The following TMEFF1 variants were observed in gnomAD, a reference collection of about 807,000 sequenced individuals.
TMEFF1 encodes the protein tomoregulin-1.
A neutral mutation model predicts 47.5 loss-of-function variants in TMEFF1; 20 were observed. The ratio of observed to expected loss-of-function variants is 0.42; its 90% CI spans 0.30 to 0.61. The LOEUF is 0.61. TMEFF1 is among the 20% of genes least tolerant of loss of function. TMEFF1 has a pLI of 0.19. For missense variants in TMEFF1, 411 were observed against 471.1 expected (o/e 0.87, Z 1.18); for synonymous variants, 162 against 166.3 (o/e 0.97, Z 0.20).
At chr9:100,529,234 CAT>C (rs1212263344) in intron 5 of TMEFF1, among the ~76,000 whole-genome samples, 1 of 144,228 alleles carries the variant, frequency 6.9e-6, no homozygotes, top group Non-Finnish European at 1.5e-5. Flanking sequence ...CAAATTCACA[CAT>C]AACAATATTA....
intron 7 of TMEFF1, among the ~76,000 whole-genome samples, chr9:100,554,393 G>T (rs1278112741): frequency 6.6e-6 from 1 of 152,122 alleles, no homozygotes; most frequent in East Asian, 1.9e-4. Flanking sequence ...GAAGGTGCTG[G>T]GGAGCTGAGA....
intron 1 of TMEFF1, among the ~76,000 whole-genome samples, chr9:100,479,305 A>G (rs1304767938): frequency 6.6e-6 from 1 of 152,202 alleles, no homozygotes; most frequent in African/African-American, 2.4e-5. Flanking sequence ...TCTTACAGAT[A>G]TATATAGTGG....
chr9:100,493,080 C>G (rs552342363), intron 1 of TMEFF1, among the ~76,000 whole-genome samples: 13 of 151,968 alleles, frequency 8.6e-5, no homozygotes, highest in African/African-American at 3.1e-4. Flanking sequence ...CCCTTCCCCC[C>G]TCTCCCCCCC....
At chr9:100,513,393 C>CTT in intron 4 of TMEFF1, 60 bp downstream of exon 4, 85 of 1,233,686 alleles carry the variant, frequency 6.9e-5, no homozygotes, top group Non-Finnish European at 7.7e-5. Flanking sequence ...CTTTCTTTTT[C>CTT]TTTTTTTTTT....
chr9:100,565,169 T>C (rs1287500012), intron 8 of TMEFF1, among the ~76,000 whole-genome samples: 1 of 152,082 alleles, frequency 6.6e-6, no homozygotes, highest in South Asian at 2.1e-4. Context: ...ATTGAAGACA[T>C]ACATTTGAGA....
chr9:100,510,345 A>G (rs1290867189), intron 3 of TMEFF1, among the ~76,000 whole-genome samples: 1 of 152,206 alleles, frequency 6.6e-6, no homozygotes, highest in African/African-American at 2.4e-5. Context: ...GAAGGTTCCA[A>G]ACATGGAGTT....
In TMEFF1 at chr9:100,508,664, A is replaced by G. The variant is rs563357145; in HGVS notation, c.307-341A>G. Among the ~76,000 whole-genome samples the G allele has an allele frequency of 2.6e-5, 4 of 152,064 alleles. No homozygotes were observed. The South Asian group carries it at 6.2e-4, about 24-fold the overall frequency. On this transcript the variant is annotated intron_variant, in intron 2 of 9. Coordinates refer to ENST00000374879, the MANE Select transcript of TMEFF1 (RefSeq NM_003692.5). ...TTTTTATGATTAGGTTTGAATGAAT[A>G]AATGAATTTTGATAATAATAAAATG... is the stretch of plus-strand genomic sequence containing the variant.
intron 1 of TMEFF1, among the ~76,000 whole-genome samples, chr9:100,481,981 C>T (rs769145316): frequency 2.6e-5 from 4 of 151,918 alleles, no homozygotes; most frequent in Non-Finnish European, 5.9e-5. Context: ...GGGGTTTCAC[C>T]GTGTTGGCTA....
rs1837972006 is a variant in TMEFF1, at chr9:100,511,824, G to A, written c.437-1483G>A. 2.0e-5 allele frequency among the ~76,000 whole-genome samples: 3 copies of A among 152,126 alleles called. No homozygotes were observed. In the South Asian group the frequency reaches 6.2e-4, roughly 32 times the overall value. On this transcript the variant is annotated intron_variant, in intron 3 of 9. Transcript: ENST00000374879. ...CCTAGGGATGTGTATCGTAATCTCAGGGTGGGACGGAATCGTGTAGGTTGG... is the reference window on the plus strand; with the variant it reads ...CCTAGGGATGTGTATCGTAATCTCAAGGTGGGACGGAATCGTGTAGGTTGG...
intron 9 of TMEFF1, among the ~76,000 whole-genome samples, chr9:100,574,814 AAC>A (rs1199756052): frequency 6.6e-6 from 1 of 152,164 alleles, no homozygotes; most frequent in Non-Finnish European, 1.5e-5. Flanking sequence ...GCCCCCTTAC[AAC>A]AGTCTTTTAC....
rs187808194 is a variant in TMEFF1 at position 100,492,969 on chromosome 9, G to T, written c.197-5796G>T. ...TATGTTGAGATCTTTTGAGATTGCC[G>T]ATTATTTGACTAATTTTCCTTGTAG... On this transcript the variant is annotated intron_variant, in intron 1 of 9. Coordinates refer to ENST00000374879, the MANE Select transcript of TMEFF1 (RefSeq NM_003692.5). Among the ~76,000 whole-genome samples, 89 of 152,262 alleles carry T rather than the reference G, an allele frequency of 5.8e-4. 1 individual carries two copies. Among genetic ancestry groups the T allele is most frequent in the Admixed American group, 2.2e-3 (34 of 15,294 alleles).
chr9:100,483,929 G>A (rs1256898130), intron 1 of TMEFF1, among the ~76,000 whole-genome samples: 1 of 151,966 alleles, frequency 6.6e-6, no homozygotes. Flanking sequence ...CACTTATAAT[G>A]ATAGGTTTAT....
At chr9:100,541,545 T>C (rs1475042103) in intron 5 of TMEFF1, among the ~76,000 whole-genome samples, 1 of 151,792 alleles carries the variant, frequency 6.6e-6, no homozygotes, top group Non-Finnish European at 1.5e-5. Flanking sequence ...AACTAATTTT[T>C]TGTGTTTTTA....
At chr9:100,567,071 C>T (rs1436117612) in intron 8 of TMEFF1, among the ~76,000 whole-genome samples, 1 of 152,112 alleles carries the variant, frequency 6.6e-6, no homozygotes, top group Non-Finnish European at 1.5e-5. Context: ...TGCTAAAATC[C>T]TTCCAGTGGT....
chr9:100,497,792 C>T (rs1368350478), intron 1 of TMEFF1, among the ~76,000 whole-genome samples: 1 of 152,108 alleles, frequency 6.6e-6, no homozygotes, highest in African/African-American at 2.4e-5. Context: ...TCATCATGAT[C>T]TAGAGATACA....
At chr9:100,530,335 C>T (rs1427890254) in intron 5 of TMEFF1, among the ~76,000 whole-genome samples, 1 of 151,934 alleles carries the variant, frequency 6.6e-6, no homozygotes, top group Non-Finnish European at 1.5e-5. Context: ...TGATAGACTG[C>T]TAGCAAGACT....
chr9:100,550,191 C>T (rs769313332), intron 7 of TMEFF1, 31 bp downstream of exon 7: 1 of 1,601,126 alleles, frequency 6.2e-7, no homozygotes, highest in Non-Finnish European at 8.5e-7. Flanking sequence ...AAATTTTGGC[C>T]AGCTATGGAA....
chr9:100,551,425 A>C (rs1221460337), intron 7 of TMEFF1, among the ~76,000 whole-genome samples: 1 of 152,222 alleles, frequency 6.6e-6, no homozygotes, highest in African/African-American at 2.4e-5. Context: ...CTGTATTTAA[A>C]ATAGAAAATT....
intron 5 of TMEFF1, among the ~76,000 whole-genome samples, chr9:100,542,478 CT>C (rs1254815719): frequency 1.3e-5 from 2 of 152,112 alleles, no homozygotes; most frequent in Non-Finnish European, 2.9e-5. Flanking sequence ...AATTTTGTAA[CT>C]TTTTACTCCT....
Sources: allele counts gnomAD v4.1 joint callset (sites outside exome capture counted in the v4.1 genomes callset), GRCh38; gene constraint gnomAD v4.1.1; transcripts MANE v1.5; gene names NCBI Gene and HGNC (gene_info 2026-07-23, HGNC 2026-07-21).